Variants in CAST observed in about 807,000 individuals in gnomAD.
CAST encodes the protein MIR583 host.
A neutral mutation model predicts 119.6 loss-of-function variants in CAST; 76 were observed. The ratio of observed to expected loss-of-function variants is 0.64; its 90% CI spans 0.53 to 0.77. The LOEUF is 0.77. Among genes scored for constraint, CAST ranks in the 30% least tolerant of loss-of-function variants. The probability of loss-of-function intolerance (pLI) is 0.00; values close to 1 mark genes in which losing one functional copy is unlikely to be tolerated. For synonymous variants in CAST, 319 were observed against 331.6 expected (o/e 0.96, Z 0.41); for missense variants, 953 against 946.5 (o/e 1.01, Z -0.09).
At chr5:96,091,558 T>C in the CAST span, among the ~76,000 whole-genome samples, 1 of 138,806 alleles carries the variant, frequency 7.2e-6, no homozygotes, top group Non-Finnish European at 1.5e-5. Flanking sequence ...CAGGCTGGAG[T>C]GCAGTGGCAC....
chr5:96,621,509 T>C (rs1164777528), intron 1 of CAST, among the ~76,000 whole-genome samples: 4 of 152,146 alleles, frequency 2.6e-5, no homozygotes, highest in Admixed American at 2.0e-4. Context: ...ATGTCTCATA[T>C]CGCAGCAGGA....
the CAST span, among the ~76,000 whole-genome samples, chr5:96,361,447 A>G: frequency 6.6e-6 from 1 of 152,096 alleles, no homozygotes; most frequent in African/African-American, 2.4e-5. Context: ...CTTGAAACCC[A>G]GGGACCTGGT....
At chr5:96,747,225 T>A (rs1763953040) in intron 17 of CAST, 120 bp from the exon 18 acceptor site, 1 of 662,404 alleles carries the variant, frequency 1.5e-6, no homozygotes, top group Admixed American at 2.7e-5. Context: ...CAAACTCATG[T>A]AAATCTAAGA....
At chr5:96,501,236 A>C in the CAST span, among the ~76,000 whole-genome samples, 38 of 152,050 alleles carry the variant, frequency 2.5e-4, no homozygotes, top group African/African-American at 8.4e-4. Flanking sequence ...AATACAGGAC[A>C]AAAAAAACTT....
intron 1 of CAST, among the ~76,000 whole-genome samples, chr5:96,537,490 G>A (rs1358473714): frequency 1.3e-5 from 2 of 152,192 alleles, no homozygotes; most frequent in Non-Finnish European, 2.9e-5. Flanking sequence ...AGCCATTGAT[G>A]GCCTTGAGAT....
chr5:96,052,322 T>C, the CAST span, among the ~76,000 whole-genome samples: 1 of 152,178 alleles, frequency 6.6e-6, no homozygotes, highest in South Asian at 2.1e-4. Context: ...GTTTCTCTTC[T>C]AGTGTTGAAG....
chr5:96,145,026 C>A, the CAST span, among the ~76,000 whole-genome samples: 2 of 152,134 alleles, frequency 1.3e-5, no homozygotes, highest in Admixed American at 6.5e-5. Context: ...CTAGTTGTAG[C>A]CTCTCGGCAT....
At chr5:96,038,650 C>T in the CAST span, among the ~76,000 whole-genome samples, 1 of 150,216 alleles carries the variant, frequency 6.7e-6, no homozygotes, top group African/African-American at 2.5e-5. Flanking sequence ...TAATACTTTG[C>T]TGAGAGTGAT....
chr5:96,433,953 A>G, the CAST span: 1 of 152,202 alleles, frequency 6.6e-6, no homozygotes, highest in Admixed American at 6.5e-5. Flanking sequence ...CAGTAAAATG[A>G]TTAATCATGT....
intron 8 of CAST, 75 bp from the exon 9 acceptor site, chr5:96,730,705 T>C (rs1427033359): frequency 9.2e-7 from 1 of 1,091,370 alleles, no homozygotes; most frequent in Non-Finnish European, 1.4e-6. Flanking sequence ...GTTAGTGACA[T>C]TTGAAACTCA....
At chr5:96,663,304 C>T in intron 1 of CAST, 1 of 688,964 alleles carries the variant, frequency 1.5e-6, no homozygotes, top group African/African-American at 1.7e-5. Context: ...CCGGGTGCGA[C>T]CTCCTCGCAG....
At chr5:96,390,874 C>T in the CAST span, 1 of 152,562 alleles carries the variant, frequency 6.6e-6, no homozygotes, top group African/African-American at 2.4e-5. Context: ...ATTAAAGCTT[C>T]TTGAGAGTGA....
At chr5:96,089,471 A>G in the CAST span, among the ~76,000 whole-genome samples, 1 of 152,246 alleles carries the variant, frequency 6.6e-6, no homozygotes, top group African/African-American at 2.4e-5. Flanking sequence ...GGTCCACTTA[A>G]TAGAGGATGA....
At chr5:96,303,457 G>A in the CAST span, among the ~76,000 whole-genome samples, 2 of 152,012 alleles carry the variant, frequency 1.3e-5, no homozygotes, top group South Asian at 4.2e-4. Context: ...ATATTTGAAT[G>A]CCATTTATTT....
chr5:96,378,619 AGCTCT>A, the CAST span, among the ~76,000 whole-genome samples: 2 of 152,136 alleles, frequency 1.3e-5, no homozygotes, highest in Non-Finnish European at 2.9e-5. Context: ...TTCTGAAAAT[AGCTCT>A]AAAGATATCC....
the CAST span, among the ~76,000 whole-genome samples, chr5:96,487,581 C>T: frequency 6.6e-6 from 1 of 152,306 alleles, no homozygotes; most frequent in South Asian, 2.1e-4. Context: ...GCATTAATGC[C>T]TATGGAACAA....
At chr5:96,728,909 G>A (rs1759878159) in intron 6 of CAST, 1 of 456,326 alleles carries the variant, frequency 2.2e-6, no homozygotes, top group Admixed American at 4.1e-5. Context: ...ATATTATTCA[G>A]ATGAAATACT....
chr5:96,767,052 G>A (rs1241993436), intron 27 of CAST, among the ~76,000 whole-genome samples: 1 of 152,172 alleles, frequency 6.6e-6, no homozygotes, highest in Non-Finnish European at 1.5e-5. Context: ...CCTTGCCTTT[G>A]AAGCTGGGAA....
intron 1 of CAST, chr5:96,662,924 C>G (rs2150215154): frequency 1.7e-6 from 1 of 590,394 alleles, no homozygotes; most frequent in East Asian, 2.9e-5. Context: ...CCCTAACCAG[C>G]CTCGAGCCAA....
Sources: allele counts gnomAD v4.1 joint callset (sites outside exome capture counted in the v4.1 genomes callset), GRCh38; gene constraint gnomAD v4.1.1; transcripts MANE v1.5; gene names NCBI Gene and HGNC (gene_info 2026-07-23, HGNC 2026-07-21).